The following C17orf78 variants were observed in gnomAD, a reference collection of about 807,000 sequenced individuals.
C17orf78 encodes the protein uncharacterized protein C17orf78.
C17orf78 carries 27 observed loss-of-function variants against 31.8 expected under a neutral mutation model. That is an observed-to-expected ratio of 0.85 (90% CI 0.63 to 1.17). The LOEUF (loss-of-function observed/expected upper bound fraction) is 1.17. Among genes scored for constraint, C17orf78 ranks in the 50% most tolerant of loss-of-function variants. The pLI is 0.00. For synonymous variants in C17orf78, 106 were observed against 115.1 expected, an observed-to-expected ratio of 0.92 and a Z score of 0.51; for missense variants, 258 against 315.2, an observed-to-expected ratio of 0.82 and a Z score of 1.37.
In C17orf78 at chr17:37,381,676, G is replaced by A. The variant is rs540229356; in HGVS notation, c.391+2294G>A. Among the ~76,000 whole-genome samples, 342 of 140,166 alleles carry A rather than the reference G, an allele frequency of 2.4e-3. 4 individuals carry two copies. Among genetic ancestry groups the A allele is most frequent in the African/African-American group, 8.7e-3 (327 of 37,462 alleles). The allele number at this position is 140,166 out of a possible 152,430, so 92.0% of individuals were successfully genotyped here. A position where few individuals can be genotyped will look rare whatever the true frequency, so the allele number is the denominator to read the frequency against. On this transcript the variant is annotated intron_variant, in intron 3 of 6. Transcript: ENST00000615133. ...AGAGTCTCGCTCCGTTGCCCAGGCT[G>A]GAGTGCAGTGGTGCGATCTCAGCTC...
intron 4 of C17orf78, chr17:37,386,948 G>C (rs997562400): frequency 3.3e-5 from 5 of 152,328 alleles, no homozygotes; most frequent in African/African-American, 1.2e-4. Context: ...CTCCTGAGTA[G>C]CTGGGACTAC....
intron 6 of C17orf78, among the ~76,000 whole-genome samples, chr17:37,391,031 G>A (rs1219868359): frequency 6.6e-6 from 1 of 152,088 alleles, no homozygotes. Context: ...ATGAGGTCAG[G>A]AGTTTGAGAC....
Position 37,386,032 on chromosome 17 carries a change from T to C in C17orf78, c.415T>C (p.Cys139Arg). 3.1e-6 allele frequency: 5 copies of C among 1,598,982 alleles called. No individual in the cohort carries two copies. The East Asian group carries it at 6.7e-5, about 21-fold the overall frequency. The change falls in exon 4 of 7, where the codon TGT becomes CGT. Residue 139 changes from cysteine (C) to arginine (R), a missense_variant. Coordinates refer to ENST00000615133, the MANE Select transcript of C17orf78 (RefSeq NM_173625.5). ...GKAFLPGISQ[C>R]KVLGASSETF... ...AGCTTTTTTACCAGGGATCTCACAA[T>C]GTAAAGTCCTGGGGGCTTCATCAGA...
In C17orf78 at chr17:37,379,302, G is replaced by C. The variant is rs140490381; in HGVS notation, c.311G>C (p.Arg104Pro). Reference sequence around the variant, plus strand: ...AACCTGAGAATCATTGCTGCTCCCCGCAGAAACAGCTCTGCCTCCTCAAGC... The same window carrying C: ...AACCTGAGAATCATTGCTGCTCCCCCCAGAAACAGCTCTGCCTCCTCAAGC... Reference protein sequence around the residue: ...LKNLRIIAAPRRNSSASSSCH... With the variant: ...LKNLRIIAAPPRNSSASSSCH... The change falls in exon 3 of 7, where the codon CGC becomes CCC. Residue 104 changes from arginine to proline, a missense_variant. By Grantham distance (103) the Arg-to-Pro change is moderately radical. Coordinates refer to ENST00000615133, the MANE Select transcript of C17orf78 (RefSeq NM_173625.5). The C allele has an allele frequency of 6.2e-7, 1 of 1,613,890 alleles. No homozygotes were observed. The highest frequency in any genetic ancestry group is 8.5e-7 in the Non-Finnish European group (1 of 1,179,868).
At chr17:37,390,255 A>T (rs1239756202) in intron 6 of C17orf78, among the ~76,000 whole-genome samples, 3 of 72,628 alleles carry the variant, frequency 4.1e-5, no homozygotes, top group Admixed American at 4.9e-4. Context: ...TATATATATT[A>T]TATATAATTA....
At chr17:37,390,171 T>C (rs1296112976) in intron 6 of C17orf78, among the ~76,000 whole-genome samples, 14,958 of 56,118 alleles carry the variant, frequency 0.27, 3,021 homozygotes, top group East Asian at 0.77. Context: ...TATATATATA[T>C]ATATACACAC....
At chr17:37,386,928 C>G (rs1017794723) in intron 4 of C17orf78, 1 of 152,080 alleles carries the variant, frequency 6.6e-6, no homozygotes, top group African/African-American at 2.4e-5. Flanking sequence ...AGTGATCCCC[C>G]CACCTCAGCC....
intron 6 of C17orf78, among the ~76,000 whole-genome samples, chr17:37,390,239 ATATTATATATATAT>A (rs2050760541): frequency 2.0e-5 from 1 of 49,600 alleles, no homozygotes; most frequent in African/African-American, 1.4e-4. Flanking sequence ...TATATATAAT[ATATTATATATATAT>A]TATATATAAT....
intron 3 of C17orf78, among the ~76,000 whole-genome samples, chr17:37,382,456 T>A (rs908265722): frequency 2.0e-5 from 3 of 152,042 alleles, no homozygotes; most frequent in African/African-American, 4.8e-5. Flanking sequence ...AAACTTGACA[T>A]TTTTAGAGAA....
At chr17:37,390,330 A>ATATATATATATATATCTATATCTATATC (rs1386032855) in intron 6 of C17orf78, among the ~76,000 whole-genome samples, 7 of 41,582 alleles carry the variant, frequency 1.7e-4, no homozygotes, top group African/African-American at 8.9e-4. Context: ...ATATATATAT[A>ATATATATATATATATCTATATCTATATC]TATAAAAGGC....
chr17:37,380,660 C>T (rs1172039405), intron 3 of C17orf78, among the ~76,000 whole-genome samples: 3 of 151,902 alleles, frequency 2.0e-5, no homozygotes, highest in Non-Finnish European at 2.9e-5. Flanking sequence ...TCCAGTGGTG[C>T]GATCTTGGCC....
intron 2 of C17orf78, 35 bp downstream of exon 2, chr17:37,378,000 C>G: frequency 6.3e-7 from 1 of 1,584,402 alleles, no homozygotes; most frequent in Non-Finnish European, 8.7e-7. Flanking sequence ...AATGATATTG[C>G]CATTCCAAAA....
intron 3 of C17orf78, among the ~76,000 whole-genome samples, chr17:37,383,033 T>C (rs1234314255): frequency 6.6e-6 from 1 of 152,146 alleles, no homozygotes; most frequent in African/African-American, 2.4e-5. Context: ...CGAGACTCCA[T>C]CTGAAAAAAT....
At chr17:37,377,335 A>G (rs1177549647) in intron 1 of C17orf78, among the ~76,000 whole-genome samples, 1 of 152,154 alleles carries the variant, frequency 6.6e-6, no homozygotes, top group Non-Finnish European at 1.5e-5. Flanking sequence ...TACTAGGTCA[A>G]CTACTACTTT....
At chr17:37,382,001 A>G (rs771654459) in intron 3 of C17orf78, among the ~76,000 whole-genome samples, 3 of 152,104 alleles carry the variant, frequency 2.0e-5, no homozygotes, top group Non-Finnish European at 4.4e-5. Context: ...AAATACAAAC[A>G]ATTCCGAAAA....
At chr17:37,384,051 G>A (rs571185495) in intron 3 of C17orf78, among the ~76,000 whole-genome samples, 2 of 152,276 alleles carry the variant, frequency 1.3e-5, no homozygotes, top group South Asian at 2.1e-4. Flanking sequence ...AGAACATGAG[G>A]TCAGGAATTC....
At chr17:37,390,328 A>C (rs1347329773) in intron 6 of C17orf78, among the ~76,000 whole-genome samples, 1 of 72,870 alleles carries the variant, frequency 1.4e-5, no homozygotes, top group Non-Finnish European at 2.3e-5. Context: ...ATATATATAT[A>C]TATATAAAAG....
chr17:37,392,591 C>T lies in C17orf78; in HGVS notation c.*867C>T, dbSNP rs978451388. ...AGGCCCTGCTTCTTTTCCTAAGAGTCTGAAACCATTCCATTTCATTTTGGT... is the reference window on the plus strand; with the variant it reads ...AGGCCCTGCTTCTTTTCCTAAGAGTTTGAAACCATTCCATTTCATTTTGGT... On this transcript the variant is annotated 3_prime_UTR_variant, in exon 7 of 7. Coordinates refer to ENST00000615133, the MANE Select transcript of C17orf78 (RefSeq NM_173625.5). 6.6e-6 allele frequency: 1 copy of T among 151,998 alleles called. No individual in the cohort carries two copies. Among genetic ancestry groups the T allele is most frequent in the African/African-American group, 2.4e-5 (1 of 41,380 alleles). The allele number at this position is 151,998 out of a possible 1,614,324, so 9.4% of individuals were successfully genotyped here.
intron 3 of C17orf78, among the ~76,000 whole-genome samples, chr17:37,381,631 T>C (rs1458510835): frequency 6.7e-6 from 1 of 148,588 alleles, no homozygotes; most frequent in African/African-American, 2.5e-5. Flanking sequence ...ATAGTCTTTT[T>C]TTTTTTTTTT....
Sources: allele counts gnomAD v4.1 joint callset (sites outside exome capture counted in the v4.1 genomes callset), GRCh38; gene constraint gnomAD v4.1.1; transcripts MANE v1.5; gene names NCBI Gene and HGNC (gene_info 2026-07-23, HGNC 2026-07-21).